TCF12: variants seen among roughly 807,000 people sequenced by gnomAD.
The protein encoded by TCF12 is DNA-binding protein HTF4.
Under a neutral mutation model 86.0 loss-of-function variants are expected in TCF12, and 45 were observed. The observed-to-expected ratio is 0.52, with a 90% CI of 0.41 to 0.67. The LOEUF (loss-of-function observed/expected upper bound fraction) is 0.67. TCF12 is among the 30% of genes least tolerant of loss of function. TCF12 has a pLI of 0.00. For missense variants in TCF12, 881 were observed against 859.9 expected (o/e 1.02, Z -0.31); for synonymous variants, 330 against 299.6 (o/e 1.10, Z -1.05).
chr15:57,067,396 C>T (rs553304831), intron 4 of TCF12, among the ~76,000 whole-genome samples: 28 of 151,134 alleles, frequency 1.9e-4, no homozygotes, highest in Admixed American at 9.9e-4. Flanking sequence ...AAAAATTAGC[C>T]GGGCGTAGTG....
chr15:57,232,686 A>G (rs1396529794), intron 10 of TCF12, 26 bp from the exon 11 acceptor site: 1 of 1,599,768 alleles, frequency 6.3e-7, no homozygotes, highest in East Asian at 2.3e-5. Context: ...AAATATATTT[A>G]ATAGATCATA....
intron 3 of TCF12, among the ~76,000 whole-genome samples, chr15:56,946,420 T>C (rs2061000301): frequency 6.6e-6 from 1 of 152,192 alleles, no homozygotes; most frequent in South Asian, 2.1e-4. Flanking sequence ...TATTTTTTTA[T>C]TTCTAGAAAC....
chr15:57,102,255 C>T (rs1239068085), intron 5 of TCF12, among the ~76,000 whole-genome samples: 3 of 152,258 alleles, frequency 2.0e-5, no homozygotes, highest in African/African-American at 7.2e-5. Flanking sequence ...GATAATTTAA[C>T]AAAAATACTT....
At chr15:56,924,705 C>T (rs1357624850) in intron 3 of TCF12, among the ~76,000 whole-genome samples, 2 of 152,144 alleles carry the variant, frequency 1.3e-5, no homozygotes, top group Non-Finnish European at 2.9e-5. Flanking sequence ...AGAGTAACCA[C>T]AGAGTCAGCA....
chr15:57,055,843 G>A (rs559192950), intron 3 of TCF12, among the ~76,000 whole-genome samples: 4 of 152,056 alleles, frequency 2.6e-5, no homozygotes, highest in Non-Finnish European at 5.9e-5. Context: ...GTCTGTCACT[G>A]CATTTGTGAA....
intron 8 of TCF12, among the ~76,000 whole-genome samples, chr15:57,200,739 G>T (rs1283771175): frequency 6.6e-6 from 1 of 152,146 alleles, no homozygotes; most frequent in Non-Finnish European, 1.5e-5. Flanking sequence ...TTTGTAAACT[G>T]TTTTATATTT....
intron 4 of TCF12, among the ~76,000 whole-genome samples, chr15:57,068,200 A>G (rs575905378): frequency 7.9e-5 from 12 of 152,290 alleles, no homozygotes; most frequent in Non-Finnish European, 1.8e-4. Context: ...AAATGGGGAT[A>G]ATGATATCTG....
chr15:56,974,084 T>C (rs544788316), intron 3 of TCF12, among the ~76,000 whole-genome samples: 3 of 152,286 alleles, frequency 2.0e-5, no homozygotes, highest in African/African-American at 4.8e-5. Context: ...AAGGACATTA[T>C]TGGGACAATT....
chr15:57,003,683 G>C (rs910900690), intron 3 of TCF12, among the ~76,000 whole-genome samples: 1 of 152,206 alleles, frequency 6.6e-6, no homozygotes, highest in East Asian at 1.9e-4. Flanking sequence ...GTTATCCCGT[G>C]TGTGTCTGCA....
intron 12 of TCF12, among the ~76,000 whole-genome samples, chr15:57,242,507 C>G (rs535590730): frequency 1.7e-4 from 26 of 151,914 alleles, no homozygotes; most frequent in Non-Finnish European, 3.4e-4. Flanking sequence ...AAAACCCATC[C>G]TAAAAAAAAG....
At chr15:57,099,340 C>G (rs1398773844) in intron 5 of TCF12, among the ~76,000 whole-genome samples, 2 of 152,046 alleles carry the variant, frequency 1.3e-5, no homozygotes, top group Non-Finnish European at 2.9e-5. Context: ...CCAGAGTACT[C>G]CTGTATGGAC....
intron 3 of TCF12, among the ~76,000 whole-genome samples, chr15:57,058,371 C>T (rs2068193566): frequency 6.6e-6 from 1 of 152,184 alleles, no homozygotes; most frequent in Non-Finnish European, 1.5e-5. Context: ...GTATGAAAGT[C>T]ATTTTCAAAA....
At chr15:57,170,670 T>G (rs2055288973) in intron 6 of TCF12, among the ~76,000 whole-genome samples, 1 of 12,110 alleles carries the variant, frequency 8.3e-5, no homozygotes, top group Non-Finnish European at 1.4e-4. Flanking sequence ...AATATATATA[T>G]ATATAATATA....
At chr15:56,994,942 T>A (rs1425847992) in intron 3 of TCF12, among the ~76,000 whole-genome samples, 1 of 152,116 alleles carries the variant, frequency 6.6e-6, no homozygotes, top group African/African-American at 2.4e-5. Flanking sequence ...CATGAATTCT[T>A]TAAAATACGT....
chr15:57,070,726 G>T (rs906975914), intron 4 of TCF12, among the ~76,000 whole-genome samples: 1 of 152,204 alleles, frequency 6.6e-6, no homozygotes, highest in Non-Finnish European at 1.5e-5. Context: ...TTTGTAGGTA[G>T]TGAGTTAGAA....
In TCF12 at chr15:57,234,497, AT is replaced by A. The variant is rs367618485; in HGVS notation, c.1035+399del. On this transcript the variant is annotated intron_variant, in intron 12 of 20. Transcript: ENST00000333725. ...AGATCAAAAGCATTTTATGTACTGT[AT>A]TTTTTTTTAAAGTCAACTGCACCTG... Among the ~76,000 whole-genome samples, 97 of 151,520 alleles carry A rather than the reference AT, an allele frequency of 6.4e-4. 4 individuals carry two copies. The highest frequency in any genetic ancestry group is 2.1e-3 in the African/African-American group (85 of 41,376).
chr15:57,086,136 TG>T (rs1452906767), intron 4 of TCF12, among the ~76,000 whole-genome samples: 2 of 151,170 alleles, frequency 1.3e-5, no homozygotes, highest in Non-Finnish European at 2.9e-5. Flanking sequence ...ATGTCATTGT[TG>T]GGGGAAAAAG....
chr15:57,192,349 C>A, intron 7 of TCF12, 56 bp downstream of exon 7: 1 of 1,580,876 alleles, frequency 6.3e-7, no homozygotes, highest in Non-Finnish European at 8.6e-7. Context: ...GTTTTTTCCT[C>A]CCATAATCTG....
chr15:57,232,902 T>G lies in TCF12; in HGVS notation c.970+46T>G. On this transcript the variant is annotated intron_variant, in intron 11 of 20. Coordinates refer to ENST00000333725, the MANE Select transcript of TCF12 (RefSeq NM_207037.2). ...AAACTTCCTAAAAGTTTGTGGACTT[T>G]CAGTGACCCCGATATCTTTATATAT... 2.8e-6 allele frequency: 4 copies of G among 1,445,434 alleles called. No homozygotes were observed. The South Asian group carries it at 4.6e-5, about 17-fold the overall frequency. The allele number at this position is 1,445,434 out of a possible 1,614,324, so 89.5% of individuals were successfully genotyped here. A position where few individuals can be genotyped will look rare whatever the true frequency, so the allele number is the denominator to read the frequency against.
Sources: allele counts gnomAD v4.1 joint callset (sites outside exome capture counted in the v4.1 genomes callset), GRCh38; gene constraint gnomAD v4.1.1; transcripts MANE v1.5; gene names NCBI Gene and HGNC (gene_info 2026-07-23, HGNC 2026-07-21).